GSTM2: variants seen among roughly 807,000 people sequenced by gnomAD.
GSTM2 encodes glutathione S-transferase mu 2.
GSTM2 carries 33 observed loss-of-function variants against 33.3 expected under a neutral mutation model. The observed-to-expected ratio is 0.99, with a 90% CI of 0.75 to 1.33. The LOEUF (loss-of-function observed/expected upper bound fraction) is 1.33, where lower values mean the gene tolerates loss of function less well. Ranked by LOEUF, GSTM2 falls within the 40% of genes most tolerant of loss-of-function variation. The probability of loss-of-function intolerance (pLI) is 0.00; values close to 1 mark genes in which losing one functional copy is unlikely to be tolerated. For missense variants in GSTM2, 213 were observed against 265.8 expected, an observed-to-expected ratio of 0.80 and a Z score of 1.38; for synonymous variants, 93 against 95.6, an observed-to-expected ratio of 0.97 and a Z score of 0.16.
intron 7 of GSTM2, among the ~76,000 whole-genome samples, chr1:109,674,158 G>C (rs1453032832): frequency 6.6e-6 from 1 of 152,156 alleles, no homozygotes; most frequent in Non-Finnish European, 1.5e-5. Flanking sequence ...AGTGTGTTCA[G>C]AGCCCCTTTG....
Position 109,674,631 on chromosome 1 carries a change from G to C in GSTM2, c.568-116G>C. The C allele has an allele frequency of 3.2e-6, 4 of 1,266,746 alleles. No individual in the cohort carries two copies. In the South Asian group the frequency reaches 5.1e-5, roughly 16 times the overall value. 78.5% of individuals were successfully genotyped at this position (1,266,746 alleles called of 1,614,324 possible). A position where few individuals can be genotyped will look rare whatever the true frequency, so the allele number is the denominator to read the frequency against. On this transcript the variant is annotated intron_variant, in intron 7 of 7. Coordinates refer to ENST00000241337, the MANE Select transcript of GSTM2 (RefSeq NM_000848.4). ...GAAGCTGTGTGATGCCTCAGCACTT[G>C]AGCCCACATGGAAAGGCTGTGGCCA...
intron 2 of GSTM2, 61 bp from the exon 3 acceptor site, chr1:109,668,863 TC>T: frequency 1.9e-6 from 3 of 1,601,948 alleles, no homozygotes; most frequent in Non-Finnish European, 8.5e-7. Context: ...CTTGGGAGGG[TC>T]CCCAGGAAGG....
chr1:109,682,541 C>T (rs146542331), intron 7 of GSTM2, among the ~76,000 whole-genome samples: 1 of 115,720 alleles, frequency 8.6e-6, no homozygotes, highest in Non-Finnish European at 2.1e-5. Context: ...TAACTTTTAA[C>T]AGAATAAACT....
chr1:109,682,228 G>GT (rs1157199730), intron 7 of GSTM2, among the ~76,000 whole-genome samples: 2 of 30,452 alleles, frequency 6.6e-5, no homozygotes, highest in African/African-American at 2.0e-4. Context: ...AATTACCTAA[G>GT]TTTTTTTTGT....
chr1:109,669,179 T>A, intron 3 of GSTM2, 111 bp from the exon 4 acceptor site: 1 of 1,341,878 alleles, frequency 7.5e-7, no homozygotes, highest in South Asian at 1.2e-5. Flanking sequence ...TATTTCTATC[T>A]CAGGCCTGCC....
At chr1:109,672,279 TCAAA>T (rs1039753458) in intron 7 of GSTM2, among the ~76,000 whole-genome samples, 6 of 150,050 alleles carry the variant, frequency 4.0e-5, no homozygotes, top group Non-Finnish European at 8.9e-5. Flanking sequence ...AAACTCCATC[TCAAA>T]CAAAAAAAAG....
In GSTM2 at chr1:109,674,731, T is replaced by C. The variant is rs1188891838; in HGVS notation, c.568-16T>C. The C allele has an allele frequency of 6.2e-7, 1 of 1,614,040 alleles. No individual in the cohort carries two copies. The highest frequency in any genetic ancestry group is 1.7e-5 in the Admixed American group (1 of 60,024). On this transcript the variant is annotated splice_polypyrimidine_tract_variant and intron_variant, in intron 7 of 7. Transcript: ENST00000241337. ...CAGCTGACCTTGAGTTCTGGCCTTATTTTCCCCCCTCTCAGGGCTTGGAGA... is the reference window on the plus strand; with the variant it reads ...CAGCTGACCTTGAGTTCTGGCCTTACTTTCCCCCCTCTCAGGGCTTGGAGA...
chr1:109,679,257 G>T (rs1020461021), downstream of GSTM2, among the ~76,000 whole-genome samples: 1 of 152,030 alleles, frequency 6.6e-6, no homozygotes, highest in African/African-American at 2.4e-5. Context: ...GATCACTTGA[G>T]GTCAGGAGTT....
chr1:109,678,264 C>A (rs891001162), downstream of GSTM2, among the ~76,000 whole-genome samples: 1 of 152,108 alleles, frequency 6.6e-6, no homozygotes, highest in African/African-American at 2.4e-5. Flanking sequence ...CTTGCCTCAG[C>A]CTCCTGAGTA....
chr1:109,672,140 C>T (rs571404861), intron 7 of GSTM2, among the ~76,000 whole-genome samples: 68 of 151,856 alleles, frequency 4.5e-4, no homozygotes, highest in African/African-American at 1.6e-3. Context: ...ATTAGCTGGG[C>T]GTGGTGGCAC....
chr1:109,669,559 T>G lies in GSTM2; in HGVS notation c.348T>G (p.Tyr116Ter). The G allele has an allele frequency of 6.2e-7, 1 of 1,603,648 alleles. No individual in the cohort carries two copies. The highest frequency in any genetic ancestry group is 1.3e-5 in the African/African-American group (1 of 74,608). Residue 116 changes from tyrosine (Y) to a stop codon, truncating the protein, a stop_gained, in exon 5 of 8, where the codon TAT (tyrosine) becomes TAG (stop). Transcript: ENST00000241337. LOFTEE classifies it high-confidence loss of function. ...DSRMQLAKLC[Y>*]DPDFEKLKPE... Reference sequence around the variant, plus strand: ...GTATGCAGCTGGCCAAACTCTGCTATGACCCAGATTTTGTAAGTCCCCCCA... The same window carrying G: ...GTATGCAGCTGGCCAAACTCTGCTAGGACCCAGATTTTGTAAGTCCCCCCA...
chr1:109,677,441 A>C (rs1401506748), downstream of GSTM2, among the ~76,000 whole-genome samples: 1 of 152,254 alleles, frequency 6.6e-6, no homozygotes, highest in East Asian at 1.9e-4. Flanking sequence ...TAATTCCATC[A>C]TTCATATAAT....
intron 7 of GSTM2, among the ~76,000 whole-genome samples, chr1:109,673,970 AG>A (rs1337216570): frequency 9.9e-5 from 15 of 152,240 alleles, no homozygotes; most frequent in African/African-American, 3.6e-4. Context: ...CCTGATCTGC[AG>A]CAGGGCTGGA....
chr1:109,671,439 A>G, intron 6 of GSTM2, 34 bp from the exon 7 acceptor site: 2 of 1,568,224 alleles, frequency 1.3e-6, no homozygotes, highest in African/African-American at 1.3e-5. Context: ...TATATTATGG[A>G]GGTTTCAGCC....
In GSTM2 at chr1:109,669,357, G is replaced by T; in HGVS notation, c.245G>T (p.Arg82Leu). 6.2e-7 allele frequency: 1 copy of T among 1,614,206 alleles called. No homozygotes were observed. The highest frequency in any genetic ancestry group is 8.5e-7 in the Non-Finnish European group (1 of 1,180,020). The change falls in exon 4 of 8, where the codon CGC (arginine) becomes CTC (leucine). Residue 82 changes from arginine to leucine, a missense_variant. Transcript: ENST00000241337. ...QSNAILRYIA[R>L]KHNLCGESEK... is the part of the protein sequence containing the mutation. ...AACGCCATCCTGCGGTACATTGCCC[G>T]CAAGCACAACCTGTGTGAGTAGATT...
chr1:109,668,225 G>T, intron 1 of GSTM2, 74 bp downstream of exon 1: 1 of 1,481,194 alleles, frequency 6.8e-7, no homozygotes, highest in South Asian at 1.1e-5. Context: ...TGCAGGACGG[G>T]CTCTAGGGAC....
chr1:109,668,869 G>A, intron 2 of GSTM2, 56 bp from the exon 3 acceptor site: 3 of 1,607,802 alleles, frequency 1.9e-6, no homozygotes, highest in Non-Finnish European at 2.6e-6. Context: ...AGGGTCCCCA[G>A]GAAGGAGGGC....
chr1:109,682,464 TCTC>T (rs1423891497), intron 7 of GSTM2, among the ~76,000 whole-genome samples: 1 of 87,230 alleles, frequency 1.1e-5, no homozygotes, highest in Non-Finnish European at 3.0e-5. Context: ...ATGGTCTTGA[TCTC>T]CTGACCTCGT....
chr1:109,668,264 C>A, intron 1 of GSTM2, 113 bp downstream of exon 1: 6 of 1,222,170 alleles, frequency 4.9e-6, no homozygotes, highest in Non-Finnish European at 7.1e-6. Flanking sequence ...TCCCTGACAG[C>A]GGGGTCTGTG....
Sources: allele counts gnomAD v4.1 joint callset (sites outside exome capture counted in the v4.1 genomes callset), GRCh38; gene constraint gnomAD v4.1.1; transcripts MANE v1.5; gene names NCBI Gene and HGNC (gene_info 2026-07-23, HGNC 2026-07-21).